Variants in CPEB1 observed in about 807,000 individuals in gnomAD.
CPEB1 encodes cytoplasmic polyadenylation element-binding protein 1.
CPEB1 carries 7 observed loss-of-function variants against 65.8 expected under a neutral mutation model. The ratio of observed to expected loss-of-function variants is 0.11; its 90% CI spans 0.06 to 0.20. The LOEUF (loss-of-function observed/expected upper bound fraction) is 0.20, where lower values mean the gene tolerates loss of function less well. CPEB1 is among the 10% of genes least tolerant of loss of function. The pLI is 1.00. For missense variants in CPEB1, 551 were observed against 712.2 expected, an observed-to-expected ratio of 0.77 and a Z score of 2.58; for synonymous variants, 262 against 260.0, an observed-to-expected ratio of 1.01 and a Z score of -0.08.
intron 3 of CPEB1, among the ~76,000 whole-genome samples, chr15:82,613,375 G>A (rs1291385378): frequency 1.3e-5 from 2 of 151,716 alleles, no homozygotes; most frequent in Non-Finnish European, 2.9e-5. Context: ...TTGTTTTCTT[G>A]GGGGTTTTTT....
intron 3 of CPEB1, among the ~76,000 whole-genome samples, chr15:82,578,456 T>C (rs1214267984): frequency 2.0e-5 from 3 of 152,124 alleles, no homozygotes; most frequent in East Asian, 1.9e-4. Context: ...ACAAAATGTA[T>C]ATATACAGTG....
chr15:82,616,576 G>A (rs1596112292), intron 3 of CPEB1, among the ~76,000 whole-genome samples: 1 of 99,968 alleles, frequency 1.0e-5, no homozygotes, highest in Non-Finnish European at 1.9e-5. Flanking sequence ...TTTCGTTCTT[G>A]TCATCGCCCA....
intron 1 of CPEB1, among the ~76,000 whole-genome samples, chr15:82,635,565 C>A (rs571635811): frequency 1.3e-5 from 2 of 152,094 alleles, no homozygotes; most frequent in African/African-American, 4.8e-5. Context: ...CTTTTTCAAC[C>A]AACAAAATGG....
chr15:82,629,592 C>G, intron 1 of CPEB1: 1 of 985,376 alleles, frequency 1.0e-6, no homozygotes, highest in African/African-American at 1.7e-5. Flanking sequence ...CCCTCACTCT[C>G]CACAGCCAAT....
intron 3 of CPEB1, among the ~76,000 whole-genome samples, chr15:82,597,554 G>T (rs1232774038): frequency 6.6e-6 from 1 of 151,946 alleles, no homozygotes; most frequent in Non-Finnish European, 1.5e-5. Flanking sequence ...TTTACAGCTT[G>T]AGTTTATCTG....
chr15:82,586,192 T>C (rs2041787577), intron 3 of CPEB1, among the ~76,000 whole-genome samples: 1 of 152,008 alleles, frequency 6.6e-6, no homozygotes, highest in Non-Finnish European at 1.5e-5. Flanking sequence ...TTAACCTCAT[T>C]TGGAATGTTA....
intron 3 of CPEB1, among the ~76,000 whole-genome samples, chr15:82,600,854 C>G (rs1297209504): frequency 1.3e-5 from 2 of 150,592 alleles, no homozygotes; most frequent in Non-Finnish European, 2.9e-5. Context: ...GTTCTTCATC[C>G]TCTCTCATCA....
intron 3 of CPEB1, among the ~76,000 whole-genome samples, chr15:82,625,079 T>A (rs575080448): frequency 6.6e-6 from 1 of 152,334 alleles, no homozygotes; most frequent in East Asian, 1.9e-4. Flanking sequence ...GTGATCCACC[T>A]GCTCCAGCCT....
In CPEB1 at chr15:82,544,155, C is replaced by A. The variant is rs1457765806; in HGVS notation, c.*437G>T. ...TGTATGGCAACTGCAAGAATGAAACCAATGAGACCTGCGCATCATCACCAT... is the reference window on the plus strand; with the variant it reads ...TGTATGGCAACTGCAAGAATGAAACAAATGAGACCTGCGCATCATCACCAT... On this transcript the variant is annotated 3_prime_UTR_variant, in exon 13 of 13. Transcript: ENST00000684509. 1 of 156,418 alleles carries A rather than the reference C, an allele frequency of 6.4e-6. No homozygotes were observed. Among genetic ancestry groups the A allele is most frequent in the Non-Finnish European group, 1.4e-5 (1 of 70,830 alleles). 9.7% of individuals were successfully genotyped at this position (156,418 alleles called of 1,614,324 possible).
intron 6 of CPEB1, among the ~76,000 whole-genome samples, chr15:82,555,282 G>A (rs2036999752): frequency 6.6e-6 from 1 of 152,228 alleles, no homozygotes; most frequent in Admixed American, 6.5e-5. Context: ...CTTAAGTGCT[G>A]AGCCACCCAG....
At chr15:82,564,943 A>T (rs1019590441) in intron 4 of CPEB1, among the ~76,000 whole-genome samples, 4 of 152,160 alleles carry the variant, frequency 2.6e-5, no homozygotes, top group African/African-American at 9.6e-5. Context: ...CGGGGAAAGG[A>T]CTTGGATTGA....
chr15:82,545,281 C>T (rs867336551), intron 12 of CPEB1, among the ~76,000 whole-genome samples: 1 of 152,204 alleles, frequency 6.6e-6, no homozygotes, highest in South Asian at 2.1e-4. Flanking sequence ...CAGAGAGATA[C>T]TTGGTCTCAG....
chr15:82,545,729 T>A (rs955696438), intron 12 of CPEB1, among the ~76,000 whole-genome samples: 3 of 152,144 alleles, frequency 2.0e-5, no homozygotes, highest in Non-Finnish European at 2.9e-5. Flanking sequence ...ACAGCCCAGA[T>A]GCAAATATCA....
intron 4 of CPEB1, among the ~76,000 whole-genome samples, chr15:82,564,296 T>G (rs2038752845): frequency 2.0e-5 from 2 of 101,090 alleles, no homozygotes; most frequent in South Asian, 4.9e-4. Flanking sequence ...TTTGTTTTGT[T>G]TTTTTTTGAG....
chr15:82,546,272 G>A (rs1254901598), intron 12 of CPEB1, among the ~76,000 whole-genome samples, 169 bp downstream of exon 12: 2 of 152,144 alleles, frequency 1.3e-5, no homozygotes, highest in Admixed American at 6.5e-5. Context: ...ACCACGCCAG[G>A]CTAATTGTTG....
intron 1 of CPEB1, among the ~76,000 whole-genome samples, chr15:82,634,874 T>C (rs1003654331): frequency 1.3e-5 from 2 of 152,172 alleles, no homozygotes; most frequent in Admixed American, 1.3e-4. Flanking sequence ...ATTTTTATTT[T>C]TGAAACAGAG....
At chr15:82,608,007 G>C (rs1045974627) in intron 3 of CPEB1, among the ~76,000 whole-genome samples, 1 of 152,170 alleles carries the variant, frequency 6.6e-6, no homozygotes, top group Non-Finnish European at 1.5e-5. Flanking sequence ...CACTGAGCCA[G>C]ACAGTTTACA....
chr15:82,573,088 T>G, intron 3 of CPEB1: 1 of 1,535,622 alleles, frequency 6.5e-7, no homozygotes, highest in Non-Finnish European at 8.7e-7. Flanking sequence ...ACGGGAAGCA[T>G]GCCCACCTGG....
At chr15:82,623,605 G>A (rs915574845) in intron 3 of CPEB1, among the ~76,000 whole-genome samples, 6 of 152,162 alleles carry the variant, frequency 3.9e-5, no homozygotes, top group African/African-American at 1.4e-4. Flanking sequence ...GGACCCGGGA[G>A]TTGGAGGTTG....
Sources: allele counts gnomAD v4.1 joint callset (sites outside exome capture counted in the v4.1 genomes callset), GRCh38; gene constraint gnomAD v4.1.1; transcripts MANE v1.5; gene names NCBI Gene and HGNC (gene_info 2026-07-23, HGNC 2026-07-21).